SLC35F3: variants seen among roughly 807,000 people sequenced by gnomAD.
SLC35F3 encodes the protein solute carrier family 35 member F3.
In SLC35F3, 25 loss-of-function variants were observed where a neutral mutation model predicts 49.9. That is an observed-to-expected ratio of 0.50 (90% CI 0.37 to 0.70). SLC35F3 has a LOEUF of 0.70. Ranked by LOEUF, SLC35F3 falls within the 30% of genes least tolerant of loss-of-function variation. SLC35F3 has a pLI of 0.00. For synonymous variants in SLC35F3, 275 were observed against 265.4 expected (o/e 1.04, Z -0.35); for missense variants, 525 against 639.8 (o/e 0.82, Z 1.94).
intron 2 of SLC35F3, among the ~76,000 whole-genome samples, chr1:234,072,619 C>G (rs1343221173): frequency 1.3e-5 from 2 of 151,978 alleles, no homozygotes; most frequent in African/African-American, 4.8e-5. Flanking sequence ...GATAATTGAA[C>G]AGAGAAAGGG....
intron 2 of SLC35F3, among the ~76,000 whole-genome samples, chr1:234,023,712 A>G (rs372429081): frequency 8.9e-4 from 135 of 152,188 alleles, no homozygotes; most frequent in South Asian, 3.5e-3. Context: ...GGTCCACATC[A>G]TGCTGGTAAG....
intron 3 of SLC35F3, among the ~76,000 whole-genome samples, chr1:234,278,735 G>A (rs1390179824): frequency 2.6e-5 from 4 of 152,058 alleles, no homozygotes; most frequent in Non-Finnish European, 2.9e-5. Context: ...CCTATTTCCC[G>A]GTTTGCAGAG....
intron 2 of SLC35F3, among the ~76,000 whole-genome samples, chr1:234,011,840 G>A (rs1340552126): frequency 3.3e-5 from 5 of 152,078 alleles, no homozygotes; most frequent in Non-Finnish European, 7.4e-5. Context: ...CCACACCTGT[G>A]GGAATATCTC....
intron 2 of SLC35F3, among the ~76,000 whole-genome samples, chr1:234,228,709 G>GGGCA (rs1234610137): frequency 6.6e-6 from 1 of 152,040 alleles, no homozygotes; most frequent in Non-Finnish European, 1.5e-5. Context: ...TTTGTACTAG[G>GGGCA]GGCACGGTTC....
chr1:234,166,411 C>T (rs888729080), intron 2 of SLC35F3, among the ~76,000 whole-genome samples: 2 of 152,210 alleles, frequency 1.3e-5, no homozygotes, highest in African/African-American at 4.8e-5. Context: ...GGCATTTATC[C>T]ACCTTATAGT....
At chr1:234,128,905 T>TA (rs933584982) in intron 2 of SLC35F3, among the ~76,000 whole-genome samples, 7 of 152,142 alleles carry the variant, frequency 4.6e-5, no homozygotes, top group Admixed American at 1.3e-4. Context: ...ATTGAGCAAG[T>TA]AAAAAATCAC....
intron 2 of SLC35F3, among the ~76,000 whole-genome samples, chr1:233,979,275 A>T (rs1663141626): frequency 6.6e-6 from 1 of 152,130 alleles, no homozygotes; most frequent in Non-Finnish European, 1.5e-5. Flanking sequence ...CCATCTGGAC[A>T]TTCAAGTCTC....
At chr1:234,030,435 C>A (rs925225109) in intron 2 of SLC35F3, among the ~76,000 whole-genome samples, 10 of 152,234 alleles carry the variant, frequency 6.6e-5, no homozygotes, top group South Asian at 2.1e-4. Context: ...TAACTAGAGA[C>A]CCCAGTACCA....
In SLC35F3 at chr1:234,058,328, A is replaced by ATTTTTTTTTTTTTTTTTTTTTTT. The variant is rs56960667; in HGVS notation, c.283+152578_283+152600dup. ...TAATTGTCTTTATAAATGTTCCTGAATTTTTTTTTTTTTTTTTTTTTTTTT... is the reference window on the plus strand; with the variant it reads ...TAATTGTCTTTATAAATGTTCCTGAATTTTTTTTTTTTTTTTTTTTTTTTTTTTTTTTTTTTTTTTTTTTTTTT... On this transcript the variant is annotated intron_variant, in intron 2 of 7. Transcript: ENST00000366618. 2.0e-4 allele frequency among the ~76,000 whole-genome samples: 8 copies of ATTTTTTTTTTTTTTTTTTTTTTT among 39,796 alleles called. 2 individuals are homozygous for ATTTTTTTTTTTTTTTTTTTTTTT. The highest frequency in any genetic ancestry group is 1.1e-3 in the African/African-American group (8 of 7,286). 26.1% of individuals were successfully genotyped at this position (39,796 alleles called of 152,430 possible).
At chr1:234,106,654 G>T (rs1047226174) in intron 2 of SLC35F3, among the ~76,000 whole-genome samples, 3 of 152,118 alleles carry the variant, frequency 2.0e-5, no homozygotes, top group Admixed American at 2.0e-4. Context: ...CTTTTTAAAG[G>T]CCCTTTCTTC....
In SLC35F3 at chr1:234,037,478, T is replaced by A. The variant is rs1664160931; in HGVS notation, c.283+131720T>A. ...GGAGAGGACAAATATGCAAACTATA[T>A]CACTATTCTGTTCACAAGAGGTACA... On this transcript the variant is annotated intron_variant, in intron 2 of 7. Transcript: ENST00000366618. 2.6e-5 allele frequency among the ~76,000 whole-genome samples: 4 copies of A among 152,294 alleles called. No homozygotes were observed. The South Asian group carries it at 8.3e-4, about 32-fold the overall frequency.
rs553509129 is a variant in SLC35F3 at position 233,931,537 on chromosome 1, G to GA, written c.283+25784dup. ...AGACATTTATGCAGCCAACAAACAT[G>GA]AAAAATGCTCATCATCACTGGTCAT... On this transcript the variant is annotated intron_variant, in intron 2 of 7. Coordinates refer to ENST00000366618, the MANE Select transcript of SLC35F3 (RefSeq NM_173508.4). 6.0e-3 allele frequency among the ~76,000 whole-genome samples: 914 copies of GA among 152,104 alleles called. 10 individuals carry two copies. Among genetic ancestry groups the GA allele is most frequent in the African/African-American group, 0.021 (857 of 41,524 alleles).
At chr1:234,282,357 C>T (rs1668342392) in intron 3 of SLC35F3, among the ~76,000 whole-genome samples, 3 of 152,160 alleles carry the variant, frequency 2.0e-5, no homozygotes, top group Non-Finnish European at 4.4e-5. Flanking sequence ...GTACATGATA[C>T]AGATGGGGCT....
At chr1:234,174,541 A>C (rs1435911479) in intron 2 of SLC35F3, among the ~76,000 whole-genome samples, 1 of 152,228 alleles carries the variant, frequency 6.6e-6, no homozygotes, top group East Asian at 1.9e-4. Flanking sequence ...CATTCTGCAC[A>C]CAAGGAATCT....
intron 2 of SLC35F3, among the ~76,000 whole-genome samples, chr1:234,089,402 G>C: frequency 6.6e-6 from 1 of 152,194 alleles, no homozygotes; most frequent in East Asian, 1.9e-4. Flanking sequence ...AGCAGCATGT[G>C]CCAAGCACAG....
intron 2 of SLC35F3, among the ~76,000 whole-genome samples, chr1:233,913,689 T>C (rs1216532346): frequency 6.6e-6 from 1 of 152,228 alleles, no homozygotes; most frequent in Non-Finnish European, 1.5e-5. Flanking sequence ...TCTACATTTC[T>C]GTAGGGTCGT....
intron 2 of SLC35F3, among the ~76,000 whole-genome samples, chr1:234,038,345 T>G (rs980402309): frequency 2.7e-5 from 4 of 150,540 alleles, no homozygotes; most frequent in African/African-American, 7.3e-5. Context: ...TGCCACATTT[T>G]CTTAATCCAG....
intron 2 of SLC35F3, among the ~76,000 whole-genome samples, chr1:234,005,047 T>C (rs988119919): frequency 6.6e-6 from 1 of 152,122 alleles, no homozygotes; most frequent in Non-Finnish European, 1.5e-5. Flanking sequence ...AAGAATAAAA[T>C]AGAAAAGCTG....
At chr1:234,110,415 A>T (rs1218223702) in intron 2 of SLC35F3, among the ~76,000 whole-genome samples, 1 of 152,234 alleles carries the variant, frequency 6.6e-6, no homozygotes, top group African/African-American at 2.4e-5. Flanking sequence ...CCAGGAAGGG[A>T]TGGTGTCCTG....
Sources: gnomAD v4.1 joint callset for allele counts (sites outside exome capture counted in the v4.1 genomes callset) on GRCh38, gnomAD v4.1.1 for gene constraint, MANE v1.5 for transcripts, NCBI Gene and HGNC (gene_info 2026-07-23, HGNC 2026-07-21) for gene names.